MYH2: variants seen among roughly 807,000 people sequenced by gnomAD.
MYH2 encodes myosin heavy chain 2, also known as myosin-2.
A neutral mutation model predicts 228.1 loss-of-function variants in MYH2; 139 were observed. The observed-to-expected ratio is 0.61, with a 90% CI of 0.53 to 0.70. The LOEUF is 0.70. MYH2 is among the 30% of genes least tolerant of loss of function. MYH2 has a pLI of 0.00. For missense variants in MYH2, 1,809 were observed against 2,357.5 expected (o/e 0.77, Z 4.82); for synonymous variants, 796 against 871.1 (o/e 0.91, Z 1.52).
At chr17:10,539,160 A>G (rs1259065921) in intron 14 of MYH2, 45 bp downstream of exon 14, 2 of 1,613,380 alleles carry the variant, frequency 1.2e-6, no homozygotes, top group Non-Finnish European at 1.7e-6. Flanking sequence ...AGATATTTCC[A>G]TTGCCTTACT....
chr17:10,543,311 G>T, intron 8 of MYH2, 150 bp from the exon 9 acceptor site: 1 of 647,362 alleles, frequency 1.5e-6, no homozygotes, highest in Non-Finnish European at 2.6e-6. Context: ...TATTTTATAA[G>T]TAGAAGAGTT....
At chr17:10,522,993 G>T (rs1264881649) in intron 39 of MYH2, 97 bp downstream of exon 39, 12 of 789,552 alleles carry the variant, frequency 1.5e-5, no homozygotes, top group Non-Finnish European at 2.2e-5. Context: ...TGTTAAATAT[G>T]CATGCAGTAG....
chr17:10,534,198 G>C (rs569856164), intron 19 of MYH2, among the ~76,000 whole-genome samples: 2 of 152,312 alleles, frequency 1.3e-5, no homozygotes, highest in Admixed American at 6.5e-5. Context: ...TATCTAGAGA[G>C]GAGAAAAGGG....
rs762784420 is a variant in MYH2 at position 10,545,421 on chromosome 17, G to T, written c.430C>A (p.Arg144=). Residue 144 remains arginine, a synonymous_variant, in exon 5 of 40, where the codon CGA becomes AGA. Coordinates refer to ENST00000245503, the MANE Select transcript of MYH2 (RefSeq NM_017534.6). ...VYKPEVVTAY[R]GKKRQEAPPH... ...GGGGCCTCCTGGCGCTTTTTGCCTC[G>T]GTAGGCTGTCACCACCTCGGGCTTA... 3 of 1,614,114 alleles carry T rather than the reference G, an allele frequency of 1.9e-6. No individual in the cohort carries two copies. The highest frequency in any genetic ancestry group is 4.5e-5 in the East Asian group (2 of 44,880).
chr17:10,526,990 G>A lies in MYH2; in HGVS notation c.3938C>T (p.Ala1313Val). 1 of 1,614,104 alleles carries A rather than the reference G, an allele frequency of 6.2e-7. No homozygotes were observed. Among genetic ancestry groups the A allele is most frequent in the Non-Finnish European group, 8.5e-7 (1 of 1,180,040 alleles). Residue 1313 changes from alanine (A) to valine (V), a missense_variant, in exon 29 of 40, where the codon GCC (alanine) becomes GTC (valine). Physicochemically the swap from Ala to Val is moderately conservative, Grantham distance 64. Around this residue, in one of 9 missense-constraint regions of MYH2, gnomAD observed 636 missense variants for 729.9 expected, o/e 0.87. Transcript: ENST00000245503. ...TAATTCTTCAATCTGTTGAGTAAAG[G>A]CTTGTTTGCCTCTTGATAACTGAGA... ...LVSQLSRGKQ[A>V]FTQQIEELKR...
Position 10,531,866 on chromosome 17 carries a change from A to G in MYH2, c.2464T>C (p.Tyr822His), listed in dbSNP as rs2073428722. 2 of 1,614,020 alleles carry G rather than the reference A, an allele frequency of 1.2e-6. No individual in the cohort carries two copies. Among genetic ancestry groups the G allele is most frequent in the African/African-American group, 1.3e-5 (1 of 74,932 alleles). The change falls in exon 22 of 40, where the codon TAC (tyrosine) becomes CAC (histidine). Residue 822 changes from tyrosine (Y) to histidine (H), a missense_variant. By Grantham distance (83) the Tyr-to-His change is moderately conservative (BLOSUM62 2). Around this residue, in one of 9 missense-constraint regions of MYH2, gnomAD observed 276 missense variants for 344.2 expected, o/e 0.80. Coordinates refer to ENST00000245503, the MANE Select transcript of MYH2 (RefSeq NM_017534.6). Reference sequence around the variant, plus strand: ...ACATTCATGAAGGATCTGATATTGTACTGGATACAGAAGATGGCCTCCCTG... The same window carrying G: ...ACATTCATGAAGGATCTGATATTGTGCTGGATACAGAAGATGGCCTCCCTG... ...ERREAIFCIQ[Y>H]NIRSFMNVKH...
intron 4 of MYH2, among the ~76,000 whole-genome samples, chr17:10,546,165 G>A (rs775003079): frequency 1.9e-4 from 28 of 146,682 alleles, no homozygotes; most frequent in Non-Finnish European, 3.6e-4. Flanking sequence ...TTTGATGCAG[G>A]CATTTAAAAA....
rs760420515 is a variant in MYH2 at position 10,525,441 on chromosome 17, AG to A, written c.4537+9del. 1.2e-6 allele frequency: 2 copies of A among 1,614,190 alleles called. No individual in the cohort carries two copies. The highest frequency in any genetic ancestry group is 2.2e-5 in the South Asian group (2 of 91,082). On this transcript the variant is annotated intron_variant, in intron 32 of 39. Transcript: ENST00000245503. The surrounding 1 kb of genome is among the most constrained non-coding windows in gnomAD (Gnocchi z 4.2). ...AGTTATGAATATTATTGAATATGAT[AG>A]GGACTTACGCTGTAAGTTTTTGTTC...
chr17:10,524,016 T>C lies in MYH2; in HGVS notation c.5176-132A>G. On this transcript the variant is annotated intron_variant, in intron 35 of 39. Coordinates refer to ENST00000245503, the MANE Select transcript of MYH2 (RefSeq NM_017534.6). The surrounding 1 kb of genome is among the most constrained non-coding windows in gnomAD (Gnocchi z 4.7). Reference sequence around the variant, plus strand: ...CTTTTAATATTAAAGAATTAAAGGATTGTGTTATGTAATATGATTAAATAA... The same window carrying C: ...CTTTTAATATTAAAGAATTAAAGGACTGTGTTATGTAATATGATTAAATAA... 1 of 827,946 alleles carries C rather than the reference T, an allele frequency of 1.2e-6. No homozygotes were observed. Among genetic ancestry groups the C allele is most frequent in the Non-Finnish European group, 1.9e-6 (1 of 540,504 alleles). The allele number at this position is 827,946 out of a possible 1,614,324, so 51.3% of individuals were successfully genotyped here.
chr17:10,538,456 A>G (rs966135633), intron 14 of MYH2, among the ~76,000 whole-genome samples: 1 of 152,094 alleles, frequency 6.6e-6, no homozygotes, highest in East Asian at 1.9e-4. Flanking sequence ...TCTGGCTAAC[A>G]TGGTGAAACC....
At chr17:10,538,624 A>C (rs955857326) in intron 14 of MYH2, among the ~76,000 whole-genome samples, 14 of 151,336 alleles carry the variant, frequency 9.3e-5, no homozygotes, top group African/African-American at 3.4e-4. Flanking sequence ...CAGCCTGGGC[A>C]ACAGAGTGAG....
At chr17:10,545,757 A>T (rs779076422) in intron 4 of MYH2, among the ~76,000 whole-genome samples, 1 of 152,120 alleles carries the variant, frequency 6.6e-6, no homozygotes, top group Admixed American at 6.5e-5. Flanking sequence ...TTGTAGAGCT[A>T]AAGTCTCACT....
chr17:10,523,797 G>C lies in MYH2; in HGVS notation c.5263C>G (p.Arg1755Gly). 1 of 1,614,078 alleles carries C rather than the reference G, an allele frequency of 6.2e-7. No homozygotes were observed. Among genetic ancestry groups the C allele is most frequent in the Non-Finnish European group, 8.5e-7 (1 of 1,180,028 alleles). Reference sequence around the variant, plus strand: ...TTCTTGGCCTTTTCTTCTGCATTGCGGGCTTCCTGGAGAATGTCCTCCATC... The same window carrying C: ...TTCTTGGCCTTTTCTTCTGCATTGCCGGCTTCCTGGAGAATGTCCTCCATC... ...GEMEDILQEARNAEEKAKKAI... is the reference protein window; with the variant it reads ...GEMEDILQEAGNAEEKAKKAI... Residue 1755 changes from arginine (R) to glycine (G), a missense_variant, in exon 36 of 40, where the codon CGC (arginine) becomes GGC (glycine). Physicochemically the swap from Arg to Gly is moderately radical, Grantham distance 125. This residue lies in a region of MYH2 where 278 missense variants were observed against 308.5 expected (regional missense o/e 0.90). Transcript: ENST00000245503.
chr17:10,526,571 G>T (rs1239250018), intron 30 of MYH2, 28 bp downstream of exon 30: 3 of 1,613,500 alleles, frequency 1.9e-6, no homozygotes, highest in Non-Finnish European at 2.5e-6. Flanking sequence ...AAAGTTTTCT[G>T]CTCATTCTCT....
chr17:10,531,570 A>G, intron 22 of MYH2, 63 bp downstream of exon 22: 5 of 1,610,388 alleles, frequency 3.1e-6, no homozygotes, highest in Middle Eastern at 1.7e-4. Context: ...CATGGCCCAC[A>G]ATGGCCAAAG....
intron 8 of MYH2, 72 bp downstream of exon 8, chr17:10,543,639 A>G: frequency 6.4e-7 from 1 of 1,568,802 alleles, no homozygotes. Context: ...AAAGATTCAG[A>G]GAATGTAATT....
Position 10,521,191 on chromosome 17 carries a change from G to T in MYH2, c.*89C>A, listed in dbSNP as rs1230963096. ...CTATGCTTTATTTCCTTTGCAACAG[G>T]GTAGAATACACAATAATTACAGAGG... On this transcript the variant is annotated 3_prime_UTR_variant, in exon 40 of 40. Coordinates refer to ENST00000245503, the MANE Select transcript of MYH2 (RefSeq NM_017534.6). 6.8e-7 allele frequency: 1 copy of T among 1,464,894 alleles called. No individual in the cohort carries two copies. The highest frequency in any genetic ancestry group is 1.4e-5 in the African/African-American group (1 of 71,770). 90.7% of individuals were successfully genotyped at this position (1,464,894 alleles called of 1,614,324 possible).
chr17:10,532,387 A>G (rs1047395932), intron 21 of MYH2, among the ~76,000 whole-genome samples: 5 of 152,202 alleles, frequency 3.3e-5, no homozygotes, highest in Admixed American at 1.3e-4. Context: ...CTTAGAAAAT[A>G]TCTGGCTTTA....
rs1025881696 is a variant in MYH2, at chr17:10,524,061, A to G, written c.5176-177T>C. Among the ~76,000 whole-genome samples the G allele has an allele frequency of 6.6e-6, 1 of 152,256 alleles. No homozygotes were observed. Among genetic ancestry groups the G allele is most frequent in the African/African-American group, 2.4e-5 (1 of 41,464 alleles). ...AAATAAAATATAAATGTTATAGAAT[A>G]TTCAGCATCTTCAAGTGTATAGGTC... On this transcript the variant is annotated intron_variant, in intron 35 of 39. Transcript: ENST00000245503. The surrounding 1 kb of genome is among the most constrained non-coding windows in gnomAD (Gnocchi z 4.7).
Sources: allele counts gnomAD v4.1 joint callset (sites outside exome capture counted in the v4.1 genomes callset), GRCh38; gene constraint gnomAD v4.1.1; regional missense constraint gnomAD v4.1.1; non-coding constraint Gnocchi (gnomAD v3.1); transcripts MANE v1.5; gene names NCBI Gene and HGNC (gene_info 2026-07-23, HGNC 2026-07-21).